Variants in PCYT1A observed in about 807,000 individuals in gnomAD.
PCYT1A encodes the protein phosphate cytidylyltransferase 1A, choline, also known as choline-phosphate cytidylyltransferase A.
PCYT1A carries 25 observed loss-of-function variants against 43.7 expected under a neutral mutation model. That is an observed-to-expected ratio of 0.57 (90% confidence interval 0.42 to 0.80). PCYT1A has a LOEUF of 0.80. PCYT1A is among the 30% of genes least tolerant of loss of function. The probability of loss-of-function intolerance (pLI) is 0.00; values close to 1 mark genes in which losing one functional copy is unlikely to be tolerated. For missense variants in PCYT1A, 421 were observed against 474.2 expected (o/e 0.89, Z 1.04); for synonymous variants, 172 against 170.7 (o/e 1.01, Z -0.06).
At chr3:196,264,024 A>G (rs1438374465) in intron 2 of PCYT1A, among the ~76,000 whole-genome samples, 1 of 152,154 alleles carries the variant, frequency 6.6e-6, no homozygotes, top group East Asian at 1.9e-4. Context: ...CATCTGTCCA[A>G]TTACTATTTG....
chr3:196,276,218 T>C (rs1168278468), intron 1 of PCYT1A, among the ~76,000 whole-genome samples: 1 of 152,188 alleles, frequency 6.6e-6, no homozygotes, highest in Non-Finnish European at 1.5e-5. Flanking sequence ...AAGGAATTTG[T>C]TAATTAGCTT....
intron 1 of PCYT1A, among the ~76,000 whole-genome samples, chr3:196,278,590 G>A (rs1725660856): frequency 6.6e-6 from 1 of 152,162 alleles, no homozygotes; most frequent in East Asian, 1.9e-4. Context: ...AGTATTTGGA[G>A]ATAGAATAGA....
chr3:196,265,644 C>T (rs1010400718), intron 2 of PCYT1A, among the ~76,000 whole-genome samples: 2 of 152,126 alleles, frequency 1.3e-5, no homozygotes, highest in South Asian at 2.1e-4. Context: ...TGAGCTCCAC[C>T]GGGTGTGGTG....
At chr3:196,269,521 G>T (rs1725371356) in intron 2 of PCYT1A, among the ~76,000 whole-genome samples, 1 of 152,080 alleles carries the variant, frequency 6.6e-6, no homozygotes, top group Non-Finnish European at 1.5e-5. Flanking sequence ...TTTTATTATG[G>T]AAAGTTTTAG....
At chr3:196,248,751 T>A (rs1245581407) in intron 3 of PCYT1A, among the ~76,000 whole-genome samples, 2 of 148,832 alleles carry the variant, frequency 1.3e-5, no homozygotes, top group Non-Finnish European at 3.0e-5. Context: ...TGTATACTCC[T>A]TTCTTTTTTT....
chr3:196,247,479 G>A lies in PCYT1A; in HGVS notation c.374C>T (p.Thr125Met), dbSNP rs765196598. The A allele has an allele frequency of 7.4e-6, 12 of 1,614,094 alleles. No homozygotes were observed. The highest frequency in any genetic ancestry group is 1.1e-5 in the South Asian group (1 of 91,076). Reference sequence around the variant, plus strand: ...ATAGCGCTCATTCTCGTTCATCACCGTGAAGCCTTTGAAGTTGTGTGTGAG... The same window carrying A: ...ATAGCGCTCATTCTCGTTCATCACCATGAAGCCTTTGAAGTTGTGTGTGAG... The part of the protein sequence containing the change: ...DELTHNFKGF[T>M]VMNENERYDA... The change falls in exon 5 of 9, where the codon ACG becomes ATG. Residue 125 changes from threonine (T) to methionine (M), a missense_variant. By Grantham distance (81) the Thr-to-Met change is moderately conservative. Transcript: ENST00000431016. This position sits in a 1 kb window ranked among gnomAD's most constrained non-coding sequence, Gnocchi z 4.8.
At chr3:196,249,618 G>A (rs1577359387) in intron 3 of PCYT1A, among the ~76,000 whole-genome samples, 1 of 152,168 alleles carries the variant, frequency 6.6e-6, no homozygotes, top group Non-Finnish European at 1.5e-5. Context: ...CAGCATAATG[G>A]TCCATCATGC....
At chr3:196,263,673 G>C (rs767298381) in intron 2 of PCYT1A, among the ~76,000 whole-genome samples, 1 of 151,940 alleles carries the variant, frequency 6.6e-6, no homozygotes, top group Non-Finnish European at 1.5e-5. Flanking sequence ...TTGCTCTGTC[G>C]CCAGGCTGGA....
chr3:196,272,160 A>G (rs1432741068), intron 1 of PCYT1A, among the ~76,000 whole-genome samples: 7 of 53,834 alleles, frequency 1.3e-4, no homozygotes, highest in African/African-American at 3.5e-4. Context: ...AGCATAATGT[A>G]TTTTTTAAAT....
intron 3 of PCYT1A, among the ~76,000 whole-genome samples, 175 bp downstream of exon 3, chr3:196,257,613 T>C (rs1173196250): frequency 1.3e-5 from 2 of 152,198 alleles, no homozygotes; most frequent in Non-Finnish European, 2.9e-5. Context: ...TGAAAGTTTA[T>C]GGAGTGGAGT....
At chr3:196,283,010 T>C (rs1725811032) in intron 1 of PCYT1A, among the ~76,000 whole-genome samples, 1 of 152,130 alleles carries the variant, frequency 6.6e-6, no homozygotes, top group African/African-American at 2.4e-5. Flanking sequence ...CAAACTAATA[T>C]AACTTTCAAC....
At chr3:196,265,731 C>T (rs1248053860) in intron 2 of PCYT1A, among the ~76,000 whole-genome samples, 1 of 151,804 alleles carries the variant, frequency 6.6e-6, no homozygotes, top group African/African-American at 2.4e-5. Flanking sequence ...AGAGCAAGTC[C>T]CCCTACCCTT....
In PCYT1A at chr3:196,273,429, G is replaced by C. The variant is rs2059523107; in HGVS notation, c.-10-2888C>G. Among the ~76,000 whole-genome samples the C allele has an allele frequency of 6.6e-6, 1 of 152,212 alleles. No homozygotes were observed. The highest frequency in any genetic ancestry group is 1.5e-5 in the Non-Finnish European group (1 of 68,034). Reference sequence around the variant, plus strand: ...CGAGTTCTTGTCCCACGTCCAGGAAGAATGAGGTATATGGACAACTGGAGG... The same window carrying C: ...CGAGTTCTTGTCCCACGTCCAGGAACAATGAGGTATATGGACAACTGGAGG... On this transcript the variant is annotated intron_variant, in intron 1 of 8. Coordinates refer to ENST00000431016, the MANE Select transcript of PCYT1A (RefSeq NM_001312673.2). This position sits in a 1 kb window ranked among gnomAD's most constrained non-coding sequence, Gnocchi z 4.1.
At chr3:196,241,265 C>T (rs1724343161) in intron 7 of PCYT1A, among the ~76,000 whole-genome samples, 1 of 151,906 alleles carries the variant, frequency 6.6e-6, no homozygotes, top group African/African-American at 2.4e-5. Flanking sequence ...CCACTGCACT[C>T]CAGCCTCGGT....
chr3:196,261,484 G>A (rs978279038), intron 2 of PCYT1A, among the ~76,000 whole-genome samples: 1 of 151,928 alleles, frequency 6.6e-6, no homozygotes, highest in African/African-American at 2.4e-5. Flanking sequence ...GTGAAACCCC[G>A]TCACTACTAA....
intron 2 of PCYT1A, among the ~76,000 whole-genome samples, chr3:196,265,518 T>C (rs1260696312): frequency 6.6e-6 from 1 of 152,190 alleles, no homozygotes; most frequent in Non-Finnish European, 1.5e-5. Context: ...CCTTCTTAAC[T>C]CCTTTGTCTC....
chr3:196,271,414 CT>C (rs1725427891), intron 1 of PCYT1A, among the ~76,000 whole-genome samples: 1 of 152,068 alleles, frequency 6.6e-6, no homozygotes, highest in Admixed American at 6.6e-5. Flanking sequence ...TTTTTATTTA[CT>C]TTTTTATTGT....
At position 196,241,746 on chromosome 3, in the gene PCYT1A, C is replaced by T. The variant is rs931612468; in HGVS notation, c.708+202G>A. 1.2e-4 allele frequency: 150 copies of T among 1,268,402 alleles called. 3 individuals are homozygous for T. In the South Asian group the frequency reaches 1.4e-3, roughly 12 times the overall value. The allele number at this position is 1,268,402 out of a possible 1,614,324, so 78.6% of individuals were successfully genotyped here. On this transcript the variant is annotated intron_variant, in intron 7 of 8. Transcript: ENST00000431016. Reference sequence around the variant, plus strand: ...ATTTAGTTGGCTGTATGGCTTTATACGAATGTGTTGGTACCAGACCGTAAC... The same window carrying T: ...ATTTAGTTGGCTGTATGGCTTTATATGAATGTGTTGGTACCAGACCGTAAC...
At chr3:196,241,486 T>C (rs892964170) in intron 7 of PCYT1A, 3 of 1,285,404 alleles carry the variant, frequency 2.3e-6, no homozygotes, top group African/African-American at 1.5e-5. Flanking sequence ...GAAAAATATA[T>C]AGAGTTTCTA....
Sources: allele counts gnomAD v4.1 joint callset (sites outside exome capture counted in the v4.1 genomes callset), GRCh38; gene constraint gnomAD v4.1.1; non-coding constraint Gnocchi (gnomAD v3.1); transcripts MANE v1.5; gene names NCBI Gene and HGNC (gene_info 2026-07-23, HGNC 2026-07-21).